The following GOLM2 variants were observed in gnomAD, a reference collection of about 807,000 sequenced individuals.
The protein encoded by GOLM2 is golgi membrane protein 2.
A neutral mutation model predicts 55.9 loss-of-function variants in GOLM2; 26 were observed. The ratio of observed to expected loss-of-function variants is 0.47; its 90% CI spans 0.34 to 0.65. The LOEUF (loss-of-function observed/expected upper bound fraction) is 0.65. GOLM2 is among the 30% of genes least tolerant of loss of function. GOLM2 has a pLI of 0.01. For missense variants in GOLM2, 486 were observed against 531.8 expected (o/e 0.91, Z 0.85); for synonymous variants, 165 against 194.6 (o/e 0.85, Z 1.27).
intron 1 of GOLM2, among the ~76,000 whole-genome samples, chr15:44,305,950 A>G (rs2078833994): frequency 6.6e-6 from 1 of 152,208 alleles, no homozygotes; most frequent in African/African-American, 2.4e-5. Context: ...GCTATCATAC[A>G]GGCTTTGTTG....
At chr15:44,402,037 C>T (rs2079568862) in intron 8 of GOLM2, among the ~76,000 whole-genome samples, 1 of 151,906 alleles carries the variant, frequency 6.6e-6, no homozygotes, top group African/African-American at 2.4e-5. Context: ...ACCATGTTTG[C>T]CGGGCTGGTC....
At chr15:44,364,064 G>A (rs527262932) in intron 6 of GOLM2, among the ~76,000 whole-genome samples, 1 of 151,632 alleles carries the variant, frequency 6.6e-6, no homozygotes, top group African/African-American at 2.4e-5. Context: ...GAGCGGGGAG[G>A]GATAGCATTG....
chr15:44,397,718 G>T (rs368260290), intron 8 of GOLM2, among the ~76,000 whole-genome samples: 49 of 151,994 alleles, frequency 3.2e-4, no homozygotes, highest in Middle Eastern at 3.4e-3. Context: ...AAATCTACAT[G>T]TTTAGCCCTC....
intron 1 of GOLM2, among the ~76,000 whole-genome samples, chr15:44,312,284 C>T (rs1196785585): frequency 1.3e-5 from 2 of 152,082 alleles, no homozygotes; most frequent in African/African-American, 2.4e-5. Flanking sequence ...TTCAGTAACA[C>T]GTTACATATT....
At chr15:44,298,630 T>C (rs777948247) in intron 1 of GOLM2, among the ~76,000 whole-genome samples, 3 of 152,180 alleles carry the variant, frequency 2.0e-5, no homozygotes, top group Non-Finnish European at 2.9e-5. Flanking sequence ...TTCATTAACT[T>C]ATTTTGTTCA....
chr15:44,295,133 G>GC (rs1432051991), intron 1 of GOLM2, among the ~76,000 whole-genome samples: 1 of 150,494 alleles, frequency 6.6e-6, no homozygotes, highest in East Asian at 2.0e-4. Flanking sequence ...AGGCTGGAGC[G>GC]CAGTGGCGCA....
chr15:44,291,296 T>G (rs1037359982), intron 1 of GOLM2, among the ~76,000 whole-genome samples: 2 of 152,192 alleles, frequency 1.3e-5, no homozygotes, highest in East Asian at 3.9e-4. Context: ...ACTGTCTCTT[T>G]CAGTTTGTTT....
chr15:44,345,010 A>T (rs559793376), intron 6 of GOLM2, among the ~76,000 whole-genome samples: 1 of 148,802 alleles, frequency 6.7e-6, no homozygotes, highest in South Asian at 2.1e-4. Context: ...ACGGGGTTTC[A>T]CCATGTTAGC....
At chr15:44,368,558 C>T (rs933239260) in intron 6 of GOLM2, among the ~76,000 whole-genome samples, 1 of 151,640 alleles carries the variant, frequency 6.6e-6, no homozygotes, top group Non-Finnish European at 1.5e-5. Flanking sequence ...AATGTTTAGT[C>T]TGCTGTTAAG....
intron 8 of GOLM2, among the ~76,000 whole-genome samples, chr15:44,397,137 A>G (rs2079531673): frequency 6.6e-6 from 1 of 151,880 alleles, no homozygotes; most frequent in Non-Finnish European, 1.5e-5. Context: ...TAAAGGTTGT[A>G]AAAAGTTGAA....
In GOLM2 at chr15:44,331,856, C is replaced by G. The variant is rs1487166318; in HGVS notation, c.486-132C>G. The G allele has an allele frequency of 4.8e-6, 3 of 619,220 alleles. No individual in the cohort carries two copies. The East Asian group carries it at 8.9e-5, about 18-fold the overall frequency. The allele number at this position is 619,220 out of a possible 1,614,324, so 38.4% of individuals were successfully genotyped here. ...GTTTTGATTGTGAGCTATTTGTATG[C>G]TCTGTTTTTTCCAGCCCACTCTCCC... is the stretch of plus-strand genomic sequence containing the variant. On this transcript the variant is annotated intron_variant, in intron 3 of 9. Coordinates refer to ENST00000299957, the MANE Select transcript of GOLM2 (RefSeq NM_138423.4).
chr15:44,297,867 CTTT>C (rs370282797), intron 1 of GOLM2, among the ~76,000 whole-genome samples: 1 of 109,266 alleles, frequency 9.2e-6, no homozygotes, highest in Non-Finnish European at 1.9e-5. Context: ...CGCACCTGGC[CTTT>C]TTTTTTTTTT....
intron 6 of GOLM2, among the ~76,000 whole-genome samples, chr15:44,347,928 T>C (rs2079136201): frequency 6.6e-6 from 1 of 152,168 alleles, no homozygotes; most frequent in Non-Finnish European, 1.5e-5. Flanking sequence ...AGGCCCTAGA[T>C]GCCTATAGTG....
At chr15:44,405,554 A>G (rs1224390342) in intron 9 of GOLM2, among the ~76,000 whole-genome samples, 1 of 152,076 alleles carries the variant, frequency 6.6e-6, no homozygotes, top group Non-Finnish European at 1.5e-5. Flanking sequence ...TAATTGAGAC[A>G]GAGTCTTGCT....
At position 44,340,149 on chromosome 15, in the gene GOLM2, A is replaced by C. The variant is rs1312500360; in HGVS notation, c.802+1832A>C. ...TTTTCTTTATTTTTTTGTAGAGACA[A>C]GGTCTCACCATGTTGCCCAGGCTGA... On this transcript the variant is annotated intron_variant, in intron 6 of 9. Transcript: ENST00000299957. Among the ~76,000 whole-genome samples, 5 of 152,080 alleles carry C rather than the reference A, an allele frequency of 3.3e-5. No homozygotes were observed. The East Asian group carries it at 9.6e-4, about 29-fold the overall frequency.
At chr15:44,294,216 C>T (rs2078740438) in intron 1 of GOLM2, among the ~76,000 whole-genome samples, 1 of 152,216 alleles carries the variant, frequency 6.6e-6, no homozygotes, top group Non-Finnish European at 1.5e-5. Context: ...ACGTTTCCTA[C>T]TCCAGCCCTA....
At chr15:44,315,450 A>G (rs1350486353) in intron 1 of GOLM2, among the ~76,000 whole-genome samples, 1 of 152,214 alleles carries the variant, frequency 6.6e-6, no homozygotes, top group Non-Finnish European at 1.5e-5. Flanking sequence ...AGCTGCCAAA[A>G]TTAATTTAGA....
At chr15:44,299,304 T>G (rs192861652) in intron 1 of GOLM2, among the ~76,000 whole-genome samples, 28 of 152,146 alleles carry the variant, frequency 1.8e-4, no homozygotes, top group East Asian at 9.6e-4. Context: ...TTTTGTTTTT[T>G]TTTTTTGAGA....
At chr15:44,343,243 G>A (rs1184359549) in intron 6 of GOLM2, among the ~76,000 whole-genome samples, 1 of 150,416 alleles carries the variant, frequency 6.6e-6, no homozygotes, top group Non-Finnish European at 1.5e-5. Flanking sequence ...TGAGGCAGGA[G>A]AATCGCTAGA....
Sources: allele counts gnomAD v4.1 joint callset (sites outside exome capture counted in the v4.1 genomes callset), GRCh38; gene constraint gnomAD v4.1.1; transcripts MANE v1.5; gene names NCBI Gene and HGNC (gene_info 2026-07-23, HGNC 2026-07-21).